The following EYA1 variants were observed in gnomAD, a reference collection of about 807,000 sequenced individuals.
EYA1 encodes protein phosphatase EYA1.
In EYA1, 16 loss-of-function variants were observed where a neutral mutation model predicts 82.0. The ratio of observed to expected loss-of-function variants is 0.20; its 90% CI spans 0.13 to 0.30. The LOEUF is 0.30. Ranked by LOEUF, EYA1 falls within the 10% of genes least tolerant of loss-of-function variation. EYA1 has a pLI of 1.00. For missense variants in EYA1, 633 were observed against 730.7 expected (o/e 0.87, Z 1.54); for synonymous variants, 261 against 264.4 (o/e 0.99, Z 0.12).
At chr8:71,530,962 A>G (rs1231815545) in intron 2 of EYA1, 1 of 152,210 alleles carries the variant, frequency 6.6e-6, no homozygotes, top group Non-Finnish European at 1.5e-5. Context: ...AAGTAAGTTA[A>G]GTATCTACCA....
chr8:71,514,313 A>G (rs1463815598), intron 2 of EYA1, among the ~76,000 whole-genome samples: 1 of 152,054 alleles, frequency 6.6e-6, no homozygotes, highest in Non-Finnish European at 1.5e-5. Flanking sequence ...ACCTCACTTC[A>G]GGTTTTTTCT....
intron 2 of EYA1, among the ~76,000 whole-genome samples, chr8:71,459,559 T>C (rs899936500): frequency 2.0e-5 from 3 of 152,180 alleles, no homozygotes; most frequent in African/African-American, 7.2e-5. Flanking sequence ...TACTTTTATT[T>C]CTGCTATTTA....
Position 71,447,195 on chromosome 8 carries a change from C to T in EYA1, c.33+88549G>A, listed in dbSNP as rs201028636. Among the ~76,000 whole-genome samples the T allele has an allele frequency of 9.2e-5, 14 of 152,024 alleles. No individual in the cohort carries two copies. In the East Asian group the frequency reaches 2.7e-3, roughly 29 times the overall value. On this transcript the variant is annotated intron_variant, in intron 2 of 18. Coordinates refer to the EYA1 transcript ENST00000643681. ...TTATCACTCACCCCAGACCTTCCTC[C>T]TCTTTGGGGTCTTCAGCTTTCTCAA...
chr8:71,382,414 T>C (rs1048970886), intron 2 of EYA1, among the ~76,000 whole-genome samples: 44 of 152,132 alleles, frequency 2.9e-4, no homozygotes, highest in African/African-American at 1.0e-3. Flanking sequence ...GCAAATATCC[T>C]AATTATTCCA....
At chr8:71,521,826 G>A (rs1813420470) in intron 2 of EYA1, among the ~76,000 whole-genome samples, 1 of 152,130 alleles carries the variant, frequency 6.6e-6, no homozygotes, top group African/African-American at 2.4e-5. Flanking sequence ...TAGGCACTAA[G>A]TAATCAGTTA....
intron 10 of EYA1, among the ~76,000 whole-genome samples, chr8:71,270,831 G>T (rs1816433697): frequency 6.6e-6 from 1 of 152,080 alleles, no homozygotes; most frequent in Non-Finnish European, 1.5e-5. Context: ...TTTCAAAGTA[G>T]ATTTTATGGC....
intron 2 of EYA1, among the ~76,000 whole-genome samples, chr8:71,388,684 C>T (rs1829105342): frequency 6.6e-6 from 1 of 152,116 alleles, no homozygotes; most frequent in Non-Finnish European, 1.5e-5. Context: ...GCTCCTATGA[C>T]ACTCTGATGC....
chr8:71,321,813 C>T lies in EYA1; in HGVS notation c.339G>A (p.Gln113=), dbSNP rs780500841. The T allele has an allele frequency of 1.9e-6, 3 of 1,614,096 alleles. No individual in the cohort carries two copies. The highest frequency in any genetic ancestry group is 2.5e-6 in the Non-Finnish European group (3 of 1,180,058). Reference sequence around the variant, plus strand: ...TAGCTTGTTGCATTCCTGTGGTAAACTGTGTTTGCCCATATGCAGCCATAG... The same window carrying T: ...TAGCTTGTTGCATTCCTGTGGTAAATTGTGTTTGCCCATATGCAGCCATAG... ...SQTMAAYGQT[Q]FTTGMQQATA... is the part of the protein sequence containing the mutation. Residue 113 remains glutamine (Q), a synonymous_variant, in exon 6 of 18, where the codon CAG becomes CAA. Coordinates refer to ENST00000340726, the MANE Select transcript of EYA1 (RefSeq NM_000503.6).
intron 7 of EYA1, among the ~76,000 whole-genome samples, chr8:71,314,226 A>G (rs1028103013): frequency 5.9e-5 from 9 of 152,314 alleles, no homozygotes; most frequent in Admixed American, 2.6e-4. Flanking sequence ...TGTATTAAAA[A>G]GACACTCAAA....
intron 12 of EYA1, among the ~76,000 whole-genome samples, chr8:71,222,693 G>A (rs1810080557): frequency 6.6e-6 from 1 of 152,294 alleles, no homozygotes. Context: ...AGTATTTAAT[G>A]TTACAACCCA....
intron 2 of EYA1, among the ~76,000 whole-genome samples, chr8:71,372,280 G>A (rs1828128617): frequency 6.6e-6 from 1 of 152,080 alleles, no homozygotes; most frequent in East Asian, 1.9e-4. Context: ...AAGTAGTAAA[G>A]CAATGGCCTC....
At chr8:71,470,622 T>G (rs1440025192) in intron 2 of EYA1, among the ~76,000 whole-genome samples, 1 of 152,082 alleles carries the variant, frequency 6.6e-6, no homozygotes, top group African/African-American at 2.4e-5. Flanking sequence ...CAATTGATTC[T>G]GTCACATTGA....
rs181725437 is a variant in EYA1, at chr8:71,251,558, T to A, written c.1051-6866A>T. On this transcript the variant is annotated intron_variant, in intron 11 of 17. Transcript: ENST00000340726. ...CATCCTAGGCTACCCATGGCTGTTT[T>A]CAGTACATCAAAGGCAAATTATGTC... 1.5e-3 allele frequency among the ~76,000 whole-genome samples: 221 copies of A among 152,362 alleles called. 1 individual carries two copies. The highest frequency in any genetic ancestry group is 1.2e-3 in the Admixed American group (18 of 15,310).
At chr8:71,379,935 A>G (rs1487170957) in intron 2 of EYA1, among the ~76,000 whole-genome samples, 1 of 152,194 alleles carries the variant, frequency 6.6e-6, no homozygotes, top group Non-Finnish European at 1.5e-5. Flanking sequence ...ATCAGTCCTC[A>G]CTCTATAAAA....
Position 71,530,786 on chromosome 8 carries a change from T to C in EYA1, c.33+4958A>G, listed in dbSNP as rs369215431. 17 of 152,242 alleles carry C rather than the reference T, an allele frequency of 1.1e-4. 1 individual carries two copies. Among genetic ancestry groups the C allele is most frequent in the Admixed American group, 7.9e-4 (12 of 15,286 alleles). The allele number at this position is 152,242 out of a possible 1,614,324, so 9.4% of individuals were successfully genotyped here. A position where few individuals can be genotyped will look rare whatever the true frequency, so the allele number is the denominator to read the frequency against. On this transcript the variant is annotated intron_variant, in intron 2 of 18. Transcript: ENST00000643681. Reference sequence around the variant, plus strand: ...GTACATACATGTTTTATTTAATAGTTTTCTTGCAAAACCCAGCATCTCAGC... The same window carrying C: ...GTACATACATGTTTTATTTAATAGTCTTCTTGCAAAACCCAGCATCTCAGC...
At chr8:71,285,988 T>C (rs543042138) in intron 9 of EYA1, among the ~76,000 whole-genome samples, 1 of 152,344 alleles carries the variant, frequency 6.6e-6, no homozygotes, top group East Asian at 1.9e-4. Flanking sequence ...ATGAGTACCT[T>C]AGAAGAAGAA....
At chr8:71,217,046 C>T in intron 12 of EYA1, 23 bp from the exon 13 acceptor site, 1 of 1,582,730 alleles carries the variant, frequency 6.3e-7, no homozygotes, top group Non-Finnish European at 8.7e-7. Context: ...TAAAATGATA[C>T]ATGTCAATTT....
intron 11 of EYA1, among the ~76,000 whole-genome samples, chr8:71,263,463 A>T (rs967563900): frequency 3.9e-5 from 6 of 152,204 alleles, no homozygotes; most frequent in Admixed American, 6.5e-5. Flanking sequence ...TGTTTGTGCC[A>T]TTATATTTTA....
At chr8:71,514,616 G>A (rs927401698) in intron 2 of EYA1, among the ~76,000 whole-genome samples, 3 of 152,134 alleles carry the variant, frequency 2.0e-5, no homozygotes, top group Non-Finnish European at 4.4e-5. Context: ...TGAGGATGAA[G>A]CCAAAGCAGA....
Sources: allele counts gnomAD v4.1 joint callset (sites outside exome capture counted in the v4.1 genomes callset), GRCh38; gene constraint gnomAD v4.1.1; transcripts MANE v1.5; gene names NCBI Gene and HGNC (gene_info 2026-07-23, HGNC 2026-07-21).